Variants in NKAIN2 observed in about 807,000 individuals in gnomAD.
NKAIN2 encodes sodium/potassium transporting ATPase interacting 2.
NKAIN2 carries 14 observed loss-of-function variants against 32.6 expected under a neutral mutation model. The ratio of observed to expected loss-of-function variants is 0.43; its 90% CI spans 0.28 to 0.67. The LOEUF (loss-of-function observed/expected upper bound fraction) is 0.67. Ranked by LOEUF, NKAIN2 falls within the 30% of genes least tolerant of loss-of-function variation. The probability of loss-of-function intolerance (pLI) is 0.17; values close to 1 mark genes in which losing one functional copy is unlikely to be tolerated. For synonymous variants in NKAIN2, 80 were observed against 87.2 expected, an observed-to-expected ratio of 0.92 and a Z score of 0.46; for missense variants, 198 against 258.3, an observed-to-expected ratio of 0.77 and a Z score of 1.60.
rs1776382125 is a variant in NKAIN2 at position 124,727,360 on chromosome 6, TG to T, written c.475-63977del. ...CCCATCAGACTAACAGTGGATCTCT[TG>T]GCAGAAACCCTACAAGCCAGAAGAG... On this transcript the variant is annotated intron_variant, in intron 4 of 6. Transcript: ENST00000368417. Among the ~76,000 whole-genome samples the T allele has an allele frequency of 2.6e-5, 4 of 152,266 alleles. No individual in the cohort carries two copies. In the South Asian group the frequency reaches 8.3e-4, roughly 32 times the overall value.
chr6:124,193,832 C>G lies in NKAIN2; in HGVS notation c.55-89173C>G, dbSNP rs535077764. Among the ~76,000 whole-genome samples the G allele has an allele frequency of 5.3e-5, 8 of 152,116 alleles. No homozygotes were observed. The South Asian group carries it at 1.7e-3, about 32-fold the overall frequency. ...GTCCTGAGGAGTGTTCAGGTCCTAG[C>G]AGAGGGGAAACCCTAGAGTGGGTAG... On this transcript the variant is annotated intron_variant, in intron 1 of 6. Coordinates refer to ENST00000368417, the MANE Select transcript of NKAIN2 (RefSeq NM_001040214.3).
Position 124,267,525 on chromosome 6 carries a change from A to G in NKAIN2, c.55-15480A>G, listed in dbSNP as rs138362685. 2.2e-3 allele frequency among the ~76,000 whole-genome samples: 338 copies of G among 152,000 alleles called. 2 individuals carry two copies. Among genetic ancestry groups the G allele is most frequent in the African/African-American group, 7.6e-3 (314 of 41,466 alleles). ...AAAGAGAAAGTATTTTTCCTAAACA[A>G]CATCACAAATTATGGTCTACAGAAT... On this transcript the variant is annotated intron_variant, in intron 1 of 6. Transcript: ENST00000368417.
intron 1 of NKAIN2, among the ~76,000 whole-genome samples, chr6:123,929,704 T>A (rs1776168001): frequency 6.6e-6 from 1 of 152,216 alleles, no homozygotes; most frequent in Non-Finnish European, 1.5e-5. Flanking sequence ...GCAAACATCA[T>A]GTTGTAGTTC....
At chr6:124,434,902 A>G (rs1233562383) in intron 3 of NKAIN2, among the ~76,000 whole-genome samples, 2 of 152,186 alleles carry the variant, frequency 1.3e-5, no homozygotes, top group Non-Finnish European at 2.9e-5. Flanking sequence ...AGCTAAGACA[A>G]TACAAATTTT....
chr6:124,146,358 T>G (rs1241780283), intron 1 of NKAIN2, among the ~76,000 whole-genome samples: 1 of 152,176 alleles, frequency 6.6e-6, no homozygotes, highest in African/African-American at 2.4e-5. Context: ...TTAAATTACT[T>G]TATCATTTTG....
chr6:124,601,092 AG>A (rs1056034913), intron 3 of NKAIN2, among the ~76,000 whole-genome samples: 1 of 152,078 alleles, frequency 6.6e-6, no homozygotes, highest in African/African-American at 2.4e-5. Flanking sequence ...TTTACACTAG[AG>A]GAAAGAGAAG....
intron 3 of NKAIN2, among the ~76,000 whole-genome samples, chr6:124,633,010 A>AT (rs916749303): frequency 3.3e-5 from 5 of 151,720 alleles, no homozygotes; most frequent in South Asian, 4.2e-4. Flanking sequence ...AGAGCATTAA[A>AT]TTTTTTTTTG....
chr6:124,087,638 T>C (rs1445962372), intron 1 of NKAIN2, among the ~76,000 whole-genome samples: 2 of 151,928 alleles, frequency 1.3e-5, no homozygotes, highest in African/African-American at 2.4e-5. Flanking sequence ...GGAACTCTGG[T>C]TTTTGTTCAG....
intron 4 of NKAIN2, among the ~76,000 whole-genome samples, chr6:124,706,991 T>TC (rs1307380949): frequency 1.3e-5 from 1 of 77,424 alleles, no homozygotes; most frequent in African/African-American, 5.0e-5. Context: ...CCGTCCCCCC[T>TC]CCCCCCACCC....
At chr6:124,815,535 G>A (rs1781125330) in intron 5 of NKAIN2, among the ~76,000 whole-genome samples, 1 of 152,036 alleles carries the variant, frequency 6.6e-6, no homozygotes, top group Non-Finnish European at 1.5e-5. Context: ...CTCCCACAGT[G>A]CTGGGATTAC....
rs1368941527 is a variant in NKAIN2, at chr6:124,394,517, TACAG to T, written c.273+39180_273+39183del. Reference sequence around the variant, plus strand: ...TAGATAGATAGATAGATTAGATAGATACAGACAGACAGATAGATACATAGACAGT... The same window carrying T: ...TAGATAGATAGATAGATTAGATAGATACAGACAGATAGATACATAGACAGT... On this transcript the variant is annotated intron_variant, in intron 3 of 6. Coordinates refer to ENST00000368417, the MANE Select transcript of NKAIN2 (RefSeq NM_001040214.3). Among the ~76,000 whole-genome samples, 118 of 152,004 alleles carry T rather than the reference TACAG, an allele frequency of 7.8e-4. 1 individual carries two copies. Among genetic ancestry groups the T allele is most frequent in the African/African-American group, 2.7e-3 (114 of 41,482 alleles).
At chr6:124,468,138 T>C (rs1776835414) in intron 3 of NKAIN2, among the ~76,000 whole-genome samples, 1 of 152,148 alleles carries the variant, frequency 6.6e-6, no homozygotes, top group South Asian at 2.1e-4. Flanking sequence ...TTATTATGAA[T>C]CTAATGTACA....
intron 1 of NKAIN2, among the ~76,000 whole-genome samples, chr6:124,100,541 A>C (rs1269912616): frequency 6.6e-6 from 1 of 152,238 alleles, no homozygotes; most frequent in Non-Finnish European, 1.5e-5. Context: ...GTGAATGTTA[A>C]TGTAAACCTG....
intron 1 of NKAIN2, among the ~76,000 whole-genome samples, chr6:123,940,344 A>ATATGTG (rs911847079): frequency 1.3e-5 from 2 of 151,376 alleles, no homozygotes; most frequent in Non-Finnish European, 2.9e-5. Context: ...GTATATATAT[A>ATATGTG]TATGTGTATG....
intron 1 of NKAIN2, among the ~76,000 whole-genome samples, chr6:123,843,794 G>T (rs1774979118): frequency 6.6e-6 from 1 of 152,202 alleles, no homozygotes; most frequent in South Asian, 2.1e-4. Flanking sequence ...GGAGGGTAAT[G>T]GGGGAAGTGT....
At chr6:124,479,020 T>C (rs988989306) in intron 3 of NKAIN2, among the ~76,000 whole-genome samples, 5 of 152,124 alleles carry the variant, frequency 3.3e-5, no homozygotes, top group Non-Finnish European at 5.9e-5. Flanking sequence ...CAAAACATAG[T>C]ACCCTAGTCT....
At chr6:124,397,717 A>G (rs925633593) in intron 3 of NKAIN2, among the ~76,000 whole-genome samples, 1 of 152,190 alleles carries the variant, frequency 6.6e-6, no homozygotes, top group Non-Finnish European at 1.5e-5. Flanking sequence ...CCATATAACA[A>G]GCATGTCAGG....
At chr6:124,159,393 G>A (rs1032309320) in intron 1 of NKAIN2, among the ~76,000 whole-genome samples, 8 of 152,128 alleles carry the variant, frequency 5.3e-5, no homozygotes, top group African/African-American at 1.9e-4. Context: ...TATTTGTACT[G>A]GTGGCTTGTA....
Position 123,818,354 on chromosome 6 carries a change from A to AACACACAC in NKAIN2, c.54+14140_54+14147dup, listed in dbSNP as rs36066775. On this transcript the variant is annotated intron_variant, in intron 1 of 6. Coordinates refer to ENST00000368417, the MANE Select transcript of NKAIN2 (RefSeq NM_001040214.3). ...AACAAATTTTCAGACTTCTTGTGGA[A>AACACACAC]ACACACACACACACACACACACACA... is the stretch of plus-strand genomic sequence containing the variant. 6.3e-4 allele frequency among the ~76,000 whole-genome samples: 91 copies of AACACACAC among 144,618 alleles called. 1 individual carries two copies. Among genetic ancestry groups the AACACACAC allele is most frequent in the African/African-American group, 1.4e-3 (56 of 39,742 alleles). 94.9% of individuals were successfully genotyped at this position (144,618 alleles called of 152,430 possible). A position where few individuals can be genotyped will look rare whatever the true frequency, so the allele number is the denominator to read the frequency against.
Sources: gnomAD v4.1 joint callset for allele counts (sites outside exome capture counted in the v4.1 genomes callset) on GRCh38, gnomAD v4.1.1 for gene constraint, MANE v1.5 for transcripts, NCBI Gene and HGNC (gene_info 2026-07-23, HGNC 2026-07-21) for gene names.